DYNC2I1: variants seen among roughly 807,000 people sequenced by gnomAD.
The protein encoded by DYNC2I1 is dynein 2 intermediate chain 1.
In DYNC2I1, 89 loss-of-function variants were observed where a neutral mutation model predicts 133.4. The observed-to-expected ratio is 0.67, with a 90% CI of 0.56 to 0.80. The LOEUF (loss-of-function observed/expected upper bound fraction) is 0.80. Among genes scored for constraint, DYNC2I1 ranks in the 30% least tolerant of loss-of-function variants. The probability of loss-of-function intolerance (pLI) is 0.00; values close to 1 mark genes in which losing one functional copy is unlikely to be tolerated. For synonymous variants in DYNC2I1, 504 were observed against 484.3 expected, an observed-to-expected ratio of 1.04 and a Z score of -0.54; for missense variants, 1,291 against 1,314.5, an observed-to-expected ratio of 0.98 and a Z score of 0.28.
In DYNC2I1 at chr7:158,930,446, T is replaced by C. The variant is rs772839820; in HGVS notation, c.2486-9T>C. On this transcript the variant is annotated splice_polypyrimidine_tract_variant and intron_variant, in intron 20 of 24. Transcript: ENST00000407559. ...AAAGGTGCATTGATTTTGGTTCATCTCTTTTTAGGTCTGATGCCTGGAGGG... is the reference window on the plus strand; with the variant it reads ...AAAGGTGCATTGATTTTGGTTCATCCCTTTTTAGGTCTGATGCCTGGAGGG... 1.2e-6 allele frequency: 2 copies of C among 1,610,566 alleles called. No homozygotes were observed. Among genetic ancestry groups the C allele is most frequent in the Non-Finnish European group, 1.7e-6 (2 of 1,178,426 alleles).
chr7:158,900,116 CTTT>C (rs869092810), intron 8 of DYNC2I1, among the ~76,000 whole-genome samples: 2 of 137,056 alleles, frequency 1.5e-5, no homozygotes, highest in African/African-American at 2.7e-5. Context: ...GAATGTAATT[CTTT>C]TTTTTTTTTT....
intron 7 of DYNC2I1, among the ~76,000 whole-genome samples, chr7:158,888,550 C>T (rs1407688592): frequency 6.6e-6 from 1 of 151,992 alleles, no homozygotes; most frequent in Non-Finnish European, 1.5e-5. Context: ...CAGCTCACCT[C>T]AACCTCTGCC....
exon 5 of DYNC2I1, chr7:158,956,725 C>CTATACG (rs2129490557): frequency 6.6e-6 from 1 of 152,522 alleles, no homozygotes; most frequent in South Asian, 2.1e-4. Flanking sequence ...CCGGTGGGGA[C>CTATACG]TATACGTGCC....
Position 158,869,905 on chromosome 7 carries a change from C to G in DYNC2I1, c.66C>G (p.Leu22=). The G allele has an allele frequency of 6.2e-7, 1 of 1,613,344 alleles. No individual in the cohort carries two copies. Among genetic ancestry groups the G allele is most frequent in the Non-Finnish European group, 8.5e-7 (1 of 1,179,408 alleles). Residue 22 remains leucine, a synonymous_variant, in exon 2 of 25, where the codon CTC becomes CTG. Coordinates refer to ENST00000407559, the MANE Select transcript of DYNC2I1 (RefSeq NM_018051.5). The stretch of plus-strand genomic sequence containing the variant: ...AAGCAGATGACCTCAGAAAACATCT[C>G]TGGGTAATTATTGTAAAGATTTGGA... ...TWKADDLRKH[L]WAIQSGGSKE...
chr7:158,898,578 A>G (rs1249481188), intron 8 of DYNC2I1, among the ~76,000 whole-genome samples: 1 of 152,172 alleles, frequency 6.6e-6, no homozygotes, highest in Non-Finnish European at 1.5e-5. Flanking sequence ...TAGTGTGAGC[A>G]TGGTATATTT....
intron 11 of DYNC2I1, among the ~76,000 whole-genome samples, chr7:158,909,016 A>AT (rs1847116151): frequency 1.3e-5 from 2 of 152,114 alleles, no homozygotes; most frequent in Non-Finnish European, 2.9e-5. Context: ...TCTTTTATGG[A>AT]ATAGGCAAGG....
rs2527201 is a variant in DYNC2I1, at chr7:158,945,920, G to T, written c.*141G>T. 563,542 of 822,680 alleles carry T rather than the reference G, an allele frequency of 0.69. 196,189 individuals are homozygous for T. Among genetic ancestry groups the T allele is most frequent in the Non-Finnish European group, 0.71 (421,487 of 592,066 alleles). 51.0% of individuals were successfully genotyped at this position (822,680 alleles called of 1,614,324 possible). ...TATATAATTTATTTTACATGAATAT[G>T]TCTTTGGTATTCCCAGTAAATAGAT... On this transcript the variant is annotated 3_prime_UTR_variant, in exon 25 of 25. Coordinates refer to ENST00000407559, the MANE Select transcript of DYNC2I1 (RefSeq NM_018051.5). This position sits in a 1 kb window ranked among gnomAD's most constrained non-coding sequence, Gnocchi z 4.1.
chr7:158,850,121 G>C, the DYNC2I1 span, among the ~76,000 whole-genome samples: 3 of 152,136 alleles, frequency 2.0e-5, no homozygotes, highest in Admixed American at 6.5e-5. Context: ...GCTGGGGAGT[G>C]GGGAGGGGAG....
chr7:158,885,106 A>C (rs1844460749), intron 6 of DYNC2I1, among the ~76,000 whole-genome samples: 2 of 152,036 alleles, frequency 1.3e-5, no homozygotes, highest in Admixed American at 1.3e-4. Flanking sequence ...GCCACTAAAA[A>C]CAGGACGTGC....
chr7:158,935,963 C>A (rs1220633483), intron 23 of DYNC2I1, among the ~76,000 whole-genome samples: 4 of 152,112 alleles, frequency 2.6e-5, no homozygotes, highest in Non-Finnish European at 5.9e-5. Context: ...GCATCCCAGG[C>A]AGGTGGGTCA....
intron 8 of DYNC2I1, among the ~76,000 whole-genome samples, chr7:158,892,615 AT>A (rs139356956): frequency 1.1e-4 from 17 of 148,224 alleles, no homozygotes; most frequent in African/African-American, 1.7e-4. Context: ...CTAAGACTTT[AT>A]TTTTTTTTTA....
intron 3 of DYNC2I1, among the ~76,000 whole-genome samples, chr7:158,874,998 G>A (rs1843222860): frequency 1.3e-5 from 2 of 151,856 alleles, no homozygotes; most frequent in South Asian, 4.2e-4. Flanking sequence ...CTCTTGGAGA[G>A]TCCTGGGGTT....
intron 11 of DYNC2I1, among the ~76,000 whole-genome samples, chr7:158,911,283 G>C (rs1395009667): frequency 6.6e-6 from 1 of 152,176 alleles, no homozygotes; most frequent in Non-Finnish European, 1.5e-5. Flanking sequence ...ATACGCATTA[G>C]AACGGTCACA....
chr7:158,902,469 G>C lies in DYNC2I1; in HGVS notation c.1231G>C (p.Ala411Pro). The C allele has an allele frequency of 6.2e-7, 1 of 1,613,872 alleles. No homozygotes were observed. Among genetic ancestry groups the C allele is most frequent in the Non-Finnish European group, 8.5e-7 (1 of 1,179,852 alleles). ...SREKLEELPL[A>P]QKKEIQEIQR... The stretch of plus-strand genomic sequence containing the variant: ...AGAAAAACTGGAAGAACTTCCTCTA[G>C]CTCAAAAAAAGGAAATACAAGAAAT... Residue 411 changes from alanine (A) to proline (P), a missense_variant, in exon 10 of 25, where the codon GCT (alanine) becomes CCT (proline). By Grantham distance (27) the Ala-to-Pro change is conservative (BLOSUM62 -1). Coordinates refer to ENST00000407559, the MANE Select transcript of DYNC2I1 (RefSeq NM_018051.5).
chr7:158,911,017 G>T (rs975652652), intron 11 of DYNC2I1, among the ~76,000 whole-genome samples: 1 of 150,202 alleles, frequency 6.7e-6, no homozygotes, highest in African/African-American at 2.5e-5. Context: ...CCCGTGGGCC[G>T]AGGGCGATTG....
At chr7:158,881,356 C>T (rs747962707) in intron 5 of DYNC2I1, among the ~76,000 whole-genome samples, 23 of 152,252 alleles carry the variant, frequency 1.5e-4, no homozygotes, top group Non-Finnish European at 2.5e-4. Context: ...AAAGCCTGGA[C>T]TCCCCTCTAG....
downstream of DYNC2I1, among the ~76,000 whole-genome samples, chr7:158,957,920 T>C (rs908881178): frequency 6.6e-6 from 1 of 152,186 alleles, no homozygotes; most frequent in African/African-American, 2.4e-5. Flanking sequence ...TCCTGACGTG[T>C]CAGCCACTGC....
intron 20 of DYNC2I1, among the ~76,000 whole-genome samples, chr7:158,930,027 A>G (rs1850061578): frequency 6.6e-6 from 1 of 152,142 alleles, no homozygotes; most frequent in African/African-American, 2.4e-5. Context: ...CAGATTTCTG[A>G]GTCTCTGGGA....
chr7:158,916,027 C>T (rs62476485), intron 14 of DYNC2I1, among the ~76,000 whole-genome samples: 37 of 3,248 alleles, frequency 0.011, 3 homozygotes, highest in Middle Eastern at 0.1. Flanking sequence ...TGTGAAACGT[C>T]TACACGCTGG....
Sources: allele counts gnomAD v4.1 joint callset (sites outside exome capture counted in the v4.1 genomes callset), GRCh38; gene constraint gnomAD v4.1.1; non-coding constraint Gnocchi (gnomAD v3.1); transcripts MANE v1.5; gene names NCBI Gene and HGNC (gene_info 2026-07-23, HGNC 2026-07-21).